ABCC11: variants seen among roughly 807,000 people sequenced by gnomAD.
ABCC11 encodes ATP-binding cassette sub-family C member 11.
ABCC11 carries 135 observed loss-of-function variants against 149.3 expected under a neutral mutation model. That is an observed-to-expected ratio of 0.90 (90% CI 0.79 to 1.04). The LOEUF (loss-of-function observed/expected upper bound fraction) is 1.04. ABCC11 is among the 50% of genes least tolerant of loss of function. ABCC11 has a pLI of 0.00. For missense variants in ABCC11, 1,680 were observed against 1,722.1 expected (o/e 0.98, Z 0.43); for synonymous variants, 665 against 671.4 (o/e 0.99, Z 0.15).
chr16:48,210,913 C>T (rs1968864367), intron 11 of ABCC11, 35 bp downstream of exon 11: 1 of 1,603,968 alleles, frequency 6.2e-7, no homozygotes, highest in Non-Finnish European at 8.5e-7. Context: ...GAGAGCCTGG[C>T]AGCTGGCCTG....
At chr16:48,186,661 C>T (rs1966762612) in intron 22 of ABCC11, among the ~76,000 whole-genome samples, 1 of 152,170 alleles carries the variant, frequency 6.6e-6, no homozygotes, top group South Asian at 2.1e-4. Context: ...GATGTGTTTG[C>T]ACAGTAATGC....
chr16:48,177,201 G>C (rs943995904), intron 24 of ABCC11, 88 bp from the exon 25 acceptor site: 3 of 1,366,714 alleles, frequency 2.2e-6, no homozygotes, highest in Non-Finnish European at 3.0e-6. Flanking sequence ...CGCTGTAGGG[G>C]GTGTGACCCA....
Position 48,222,586 on chromosome 16 carries a change from C to T in ABCC11, c.777+12G>A. On this transcript the variant is annotated intron_variant, in intron 6 of 29. Coordinates refer to ENST00000356608, the MANE Select transcript of ABCC11 (RefSeq NM_001370497.1). ...GAAGCATGGCCCAGAATAGGCAGTC[C>T]CAGCTGCTTACCTCTCCTGAGGTGA... 6.2e-7 allele frequency: 1 copy of T among 1,609,908 alleles called. No homozygotes were observed. The highest frequency in any genetic ancestry group is 1.3e-5 in the African/African-American group (1 of 74,926).
At chr16:48,180,242 T>G (rs896720120) in intron 23 of ABCC11, among the ~76,000 whole-genome samples, 1 of 152,266 alleles carries the variant, frequency 6.6e-6, no homozygotes. Flanking sequence ...GGTGTATTCT[T>G]GAAAACTTCT....
intron 15 of ABCC11, 74 bp downstream of exon 15, chr16:48,200,202 C>T (rs907135797): frequency 6.8e-7 from 1 of 1,473,372 alleles, no homozygotes; most frequent in African/African-American, 1.4e-5. Context: ...TATTGAATCA[C>T]ACTCTGAAAT....
At chr16:48,244,285 CG>C in intron 1 of ABCC11, 1 of 784,968 alleles carries the variant, frequency 1.3e-6, no homozygotes, top group Non-Finnish European at 1.9e-6. Context: ...TAGCCGGAAG[CG>C]GAGGCGTGGA....
At position 48,211,164 on chromosome 16, in the gene ABCC11, G is replaced by A. The variant is rs748276823; in HGVS notation, c.1392C>T (p.Val464=). ...FFLQESPVFY[V]QTLQDPSKAL... ...CTTTGCTGGGGTCTTGTAATGTCTG[G>A]ACATAGAAAACAGGGCTCTCCTGGA... Residue 464 remains valine, a synonymous_variant, in exon 11 of 30, where the codon GTC becomes GTT. Transcript: ENST00000356608. 5.0e-6 allele frequency: 8 copies of A among 1,614,138 alleles called. No homozygotes were observed. The highest frequency in any genetic ancestry group is 6.8e-6 in the Non-Finnish European group (8 of 1,180,014).
Position 48,205,427 on chromosome 16 carries a change from T to C in ABCC11, c.1791A>G (p.Ala597=), listed in dbSNP as rs757154464. Residue 597 remains alanine (A), a synonymous_variant, in exon 13 of 30, where the codon GCA becomes GCG. Transcript: ENST00000356608. ...NIRENILMGG[A]YDKARYLQVL... ...CAGGAGCTTACCGGGCCTTGTCATA[T>C]GCGCCTCCCATGAGGATGTTCTCCC... 19 of 1,614,058 alleles carry C rather than the reference T, an allele frequency of 1.2e-5. No individual in the cohort carries two copies. Among genetic ancestry groups the C allele is most frequent in the Non-Finnish European group, 1.5e-5 (18 of 1,180,030 alleles).
intron 14 of ABCC11, among the ~76,000 whole-genome samples, chr16:48,201,673 C>T (rs1472854028): frequency 1.3e-5 from 2 of 151,950 alleles, no homozygotes; most frequent in Admixed American, 6.6e-5. Flanking sequence ...TTACAGGTGT[C>T]GTCAAAGACT....
At position 48,192,376 on chromosome 16, in the gene ABCC11, G is replaced by A. The variant is rs566457570; in HGVS notation, c.2706+144C>T. 7.9e-4 allele frequency: 695 copies of A among 876,352 alleles called. 1 individual carries two copies. Among genetic ancestry groups the A allele is most frequent in the Admixed American group, 1.2e-3 (41 of 35,090 alleles). 54.3% of individuals were successfully genotyped at this position (876,352 alleles called of 1,614,324 possible). ...GGAGGATCACTTCAGCCTGGAAGGT[G>A]GAGGTTGCCATGAGTGGAGATTGTG... is the stretch of plus-strand genomic sequence containing the variant. On this transcript the variant is annotated intron_variant, in intron 20 of 29. Transcript: ENST00000356608.
chr16:48,167,058 G>A lies in ABCC11; in HGVS notation c.*216C>T, dbSNP rs948475615. 1 of 566,962 alleles carries A rather than the reference G, an allele frequency of 1.8e-6. No homozygotes were observed. Among genetic ancestry groups the A allele is most frequent in the Admixed American group, 3.1e-5 (1 of 31,834 alleles). The allele number at this position is 566,962 out of a possible 1,614,324, so 35.1% of individuals were successfully genotyped here. On this transcript the variant is annotated 3_prime_UTR_variant, in exon 30 of 30. Coordinates refer to ENST00000356608, the MANE Select transcript of ABCC11 (RefSeq NM_001370497.1). ...GAACCACATGATCACTGAATCCCATGTCTTAGATGGTTCTGGGGTTCTAAG... is the reference window on the plus strand; with the variant it reads ...GAACCACATGATCACTGAATCCCATATCTTAGATGGTTCTGGGGTTCTAAG...
chr16:48,199,847 A>T (rs1967788711), intron 15 of ABCC11, among the ~76,000 whole-genome samples: 1 of 150,834 alleles, frequency 6.6e-6, no homozygotes, highest in African/African-American at 2.4e-5. Context: ...TAATTTTTTT[A>T]AATTTTTGTA....
chr16:48,196,401 C>T (rs1967419519), intron 17 of ABCC11, 80 bp from the exon 18 acceptor site: 1 of 1,373,568 alleles, frequency 7.3e-7, no homozygotes, highest in Non-Finnish European at 1.0e-6. Flanking sequence ...GGCTTCGATC[C>T]TGTGCCAGCT....
rs2150817648 is a variant in ABCC11 at position 48,200,161 on chromosome 16, C to T, written c.2082+115G>A. On this transcript the variant is annotated intron_variant, in intron 15 of 29. Transcript: ENST00000356608. Reference sequence around the variant, plus strand: ...CCTCCCCAAATGTGGAGGAGTCTAACCTGAGATGAGGACAGCTGCTGGGAG... The same window carrying T: ...CCTCCCCAAATGTGGAGGAGTCTAATCTGAGATGAGGACAGCTGCTGGGAG... 3 of 1,157,576 alleles carry T rather than the reference C, an allele frequency of 2.6e-6. No individual in the cohort carries two copies. The East Asian group carries it at 7.3e-5, about 28-fold the overall frequency. The allele number at this position is 1,157,576 out of a possible 1,614,324, so 71.7% of individuals were successfully genotyped here.
intron 3 of ABCC11, among the ~76,000 whole-genome samples, chr16:48,228,544 C>T (rs769331669): frequency 9.2e-5 from 14 of 151,668 alleles, no homozygotes; most frequent in Non-Finnish European, 1.6e-4. Context: ...TGCAGTGAGC[C>T]GAGATCACGC....
At chr16:48,222,887 G>A in intron 5 of ABCC11, 56 bp from the exon 6 acceptor site, 1 of 1,450,624 alleles carries the variant, frequency 6.9e-7, no homozygotes, top group South Asian at 1.2e-5. Context: ...CACGTTTGAT[G>A]TTTTGTTGCT....
chr16:48,228,153 A>C (rs1021478101), intron 3 of ABCC11, among the ~76,000 whole-genome samples, 189 bp from the exon 4 acceptor site: 6 of 152,186 alleles, frequency 3.9e-5, no homozygotes, highest in African/African-American at 1.4e-4. Context: ...TTTAAACAAA[A>C]AGAGAGAAAT....
In ABCC11 at chr16:48,192,769, G is replaced by T; in HGVS notation, c.2509-52C>A. 4 of 1,578,158 alleles carry T rather than the reference G, an allele frequency of 2.5e-6. No individual in the cohort carries two copies. The South Asian group carries it at 4.5e-5, about 18-fold the overall frequency. On this transcript the variant is annotated intron_variant, in intron 19 of 29. Coordinates refer to ENST00000356608, the MANE Select transcript of ABCC11 (RefSeq NM_001370497.1). ...TGCAGGTGTCCGGGGGAAATTCAGT[G>T]GCAGGGAAAGCCTTCTCCCTGGGGC...
chr16:48,202,598 G>A (rs749959464), intron 14 of ABCC11, among the ~76,000 whole-genome samples: 17 of 149,104 alleles, frequency 1.1e-4, no homozygotes, highest in Non-Finnish European at 2.5e-4. Context: ...GTGACAGACA[G>A]AGAACAAGAC....
Sources: allele counts gnomAD v4.1 joint callset (sites outside exome capture counted in the v4.1 genomes callset), GRCh38; gene constraint gnomAD v4.1.1; transcripts MANE v1.5; gene names NCBI Gene and HGNC (gene_info 2026-07-23, HGNC 2026-07-21).